The following SFRP1 variants were observed in gnomAD, a reference collection of about 807,000 sequenced individuals.
SFRP1 encodes the protein secreted frizzled related protein 1.
SFRP1 carries 9 observed loss-of-function variants against 25.9 expected under a neutral mutation model. The ratio of observed to expected loss-of-function variants is 0.35; its 90% CI spans 0.21 to 0.61. The LOEUF (loss-of-function observed/expected upper bound fraction) is 0.61. Among genes scored for constraint, SFRP1 ranks in the 20% least tolerant of loss-of-function variants. SFRP1 has a pLI of 0.78. For synonymous variants in SFRP1, 178 were observed against 174.0 expected (o/e 1.02, Z -0.18); for missense variants, 346 against 418.2 (o/e 0.83, Z 1.51).
intron 2 of SFRP1, among the ~76,000 whole-genome samples, chr8:41,267,481 A>T (rs1803452143): frequency 6.6e-6 from 1 of 152,218 alleles, no homozygotes; most frequent in South Asian, 2.1e-4. Flanking sequence ...TAATTTGCGT[A>T]TCTTCTGAAC....
At chr8:41,303,627 G>C in intron 1 of SFRP1, 89 bp from the exon 2 acceptor site, 2 of 975,554 alleles carry the variant, frequency 2.1e-6, no homozygotes, top group Non-Finnish European at 1.6e-6. Flanking sequence ...CTGGGTCCAG[G>C]CTGAAAGTGG....
chr8:41,303,625 A>G, intron 1 of SFRP1, 87 bp from the exon 2 acceptor site: 1 of 1,055,028 alleles, frequency 9.5e-7, no homozygotes, highest in Non-Finnish European at 1.5e-6. Flanking sequence ...CCCTGGGTCC[A>G]GGCTGAAAGT....
At position 41,280,142 on chromosome 8, in the gene SFRP1, G is replaced by T. The variant is rs560865037; in HGVS notation, c.623-14653C>A. Among the ~76,000 whole-genome samples the T allele has an allele frequency of 3.3e-5, 5 of 152,284 alleles. No individual in the cohort carries two copies. In the East Asian group the frequency reaches 9.7e-4, roughly 29 times the overall value. On this transcript the variant is annotated intron_variant, in intron 2 of 2. Coordinates refer to ENST00000220772, the MANE Select transcript of SFRP1 (RefSeq NM_003012.5). ...GCGCTGGGCTTCCCTCCCAAGTCCA[G>T]GGGAGTGCAGGGGGAGGGCTGACGG...
chr8:41,272,783 C>G (rs1803527085), intron 2 of SFRP1, among the ~76,000 whole-genome samples: 2 of 152,084 alleles, frequency 1.3e-5, no homozygotes, highest in Admixed American at 1.3e-4. Flanking sequence ...AACAAGAAAA[C>G]AAACGGCAGA....
chr8:41,283,783 G>A (rs531694006), intron 2 of SFRP1, among the ~76,000 whole-genome samples: 3 of 151,938 alleles, frequency 2.0e-5, no homozygotes, highest in African/African-American at 4.8e-5. Context: ...GGCTGGTCTC[G>A]AACTCCTGAC....
intron 2 of SFRP1, among the ~76,000 whole-genome samples, chr8:41,295,574 T>C (rs946375346): frequency 1.2e-4 from 18 of 151,104 alleles, no homozygotes; most frequent in African/African-American, 3.9e-4. Flanking sequence ...TGGAAAGACC[T>C]GGAAGGCTGT....
intron 1 of SFRP1, chr8:41,306,728 G>C (rs560270265): frequency 1.9e-6 from 3 of 1,597,758 alleles, no homozygotes; most frequent in African/African-American, 2.7e-5. Context: ...CTACCTGAGC[G>C]CTGCTGGGAG....
At chr8:41,303,376 G>A in intron 2 of SFRP1, 85 bp downstream of exon 2, 6 of 965,742 alleles carry the variant, frequency 6.2e-6, no homozygotes, top group Non-Finnish European at 1.0e-5. Context: ...GCTGCAACGA[G>A]ATACATCAGC....
At chr8:41,304,360 G>C (rs1803966609) in intron 1 of SFRP1, among the ~76,000 whole-genome samples, 2 of 152,206 alleles carry the variant, frequency 1.3e-5, no homozygotes, top group Non-Finnish European at 2.9e-5. Flanking sequence ...AGCTTCCCAG[G>C]ACAGAGGGAG....
intron 2 of SFRP1, 125 bp from the exon 3 acceptor site, chr8:41,265,614 T>G (rs889677520): frequency 3.0e-6 from 2 of 656,198 alleles, no homozygotes; most frequent in Non-Finnish European, 2.4e-6. Flanking sequence ...TTATACTTTC[T>G]TCTTGTAAAT....
chr8:41,277,762 C>A (rs1803588454), intron 2 of SFRP1, among the ~76,000 whole-genome samples: 1 of 152,146 alleles, frequency 6.6e-6, no homozygotes, highest in South Asian at 2.1e-4. Flanking sequence ...GCCACCACAC[C>A]ACCTAATTAA....
Position 41,297,263 on chromosome 8 carries a change from T to C in SFRP1, c.622+6198A>G, listed in dbSNP as rs1162277152. 5.3e-5 allele frequency among the ~76,000 whole-genome samples: 8 copies of C among 150,996 alleles called. 1 individual carries two copies. Among genetic ancestry groups the C allele is most frequent in the African/African-American group, 1.9e-4 (8 of 41,180 alleles). On this transcript the variant is annotated intron_variant, in intron 2 of 2. Coordinates refer to ENST00000220772, the MANE Select transcript of SFRP1 (RefSeq NM_003012.5). ...TTCGCCATTTTGGCCAGGCTGGTCT[T>C]GAACTTCTGACCTCAGGTGATCCAC...
At chr8:41,290,625 C>T (rs567913922) in intron 2 of SFRP1, among the ~76,000 whole-genome samples, 20 of 152,300 alleles carry the variant, frequency 1.3e-4, no homozygotes, top group South Asian at 4.1e-4. Context: ...CCTTCCCTGA[C>T]GGCCAGGACA....
intron 2 of SFRP1, among the ~76,000 whole-genome samples, chr8:41,277,567 C>T (rs73621099): frequency 0.011 from 1,751 of 152,294 alleles, 35 homozygotes; most frequent in African/African-American, 0.04. Flanking sequence ...CTGGGCTCCA[C>T]CCCTGGAGCT....
intron 2 of SFRP1, among the ~76,000 whole-genome samples, chr8:41,272,847 C>T (rs1024869078): frequency 5.9e-5 from 9 of 152,082 alleles, no homozygotes; most frequent in African/African-American, 1.9e-4. Flanking sequence ...AACATGAGTC[C>T]TCAGGTTAAA....
intron 1 of SFRP1, among the ~76,000 whole-genome samples, chr8:41,306,483 A>T (rs1023289654): frequency 7.5e-6 from 1 of 133,114 alleles, no homozygotes; most frequent in Non-Finnish European, 1.5e-5. Flanking sequence ...ACACACCTAC[A>T]CACACACACA....
At chr8:41,297,971 C>T (rs927048103) in intron 2 of SFRP1, among the ~76,000 whole-genome samples, 13 of 152,156 alleles carry the variant, frequency 8.5e-5, no homozygotes, top group Admixed American at 3.9e-4. Flanking sequence ...TGCAATCTGG[C>T]CTGGATGCCA....
chr8:41,303,889 G>GT (rs1218277177), intron 1 of SFRP1, among the ~76,000 whole-genome samples: 1 of 152,142 alleles, frequency 6.6e-6, no homozygotes, highest in Non-Finnish European at 1.5e-5. Flanking sequence ...TCTTCCTGGT[G>GT]TTTGTTTCCC....
chr8:41,300,525 G>A (rs1803901718), intron 2 of SFRP1, among the ~76,000 whole-genome samples: 1 of 152,188 alleles, frequency 6.6e-6, no homozygotes, highest in Non-Finnish European at 1.5e-5. Context: ...GCTTACGGGT[G>A]TTTACAGATA....
Sources: gnomAD v4.1 joint callset for allele counts (sites outside exome capture counted in the v4.1 genomes callset) on GRCh38, gnomAD v4.1.1 for gene constraint, MANE v1.5 for transcripts, NCBI Gene and HGNC (gene_info 2026-07-23, HGNC 2026-07-21) for gene names.